NTM: variants seen among roughly 807,000 people sequenced by gnomAD.
NTM encodes the protein neurotrimin.
Under a neutral mutation model 42.1 loss-of-function variants are expected in NTM, and 13 were observed. The observed-to-expected ratio is 0.31, with a 90% confidence interval of 0.20 to 0.49. The LOEUF (loss-of-function observed/expected upper bound fraction) is 0.49, where lower values mean the gene tolerates loss of function less well. NTM is among the 20% of genes least tolerant of loss of function. NTM has a pLI of 0.99. For missense variants in NTM, 373 were observed against 452.8 expected, an observed-to-expected ratio of 0.82 and a Z score of 1.60; for synonymous variants, 187 against 179.2, an observed-to-expected ratio of 1.04 and a Z score of -0.35.
chr11:131,774,596 A>G (rs2086664718), intron 1 of NTM, among the ~76,000 whole-genome samples: 1 of 152,186 alleles, frequency 6.6e-6, no homozygotes, highest in Admixed American at 6.5e-5. Flanking sequence ...TTGGCTCCAA[A>G]TATAATTTTT....
At chr11:131,870,547 G>T (rs2047674536) in intron 1 of NTM, among the ~76,000 whole-genome samples, 2 of 152,086 alleles carry the variant, frequency 1.3e-5, no homozygotes, top group Admixed American at 1.3e-4. Flanking sequence ...GAGCCAGCGA[G>T]GGCCCTCCTC....
At chr11:132,166,317 A>G (rs866507826) in intron 3 of NTM, among the ~76,000 whole-genome samples, 9 of 152,296 alleles carry the variant, frequency 5.9e-5, no homozygotes, top group Admixed American at 3.3e-4. Context: ...TCTATTAGTG[A>G]GACCTCATTA....
At chr11:131,689,395 C>G (rs2074369879) in intron 1 of NTM, among the ~76,000 whole-genome samples, 1 of 152,228 alleles carries the variant, frequency 6.6e-6, no homozygotes, top group Non-Finnish European at 1.5e-5. Flanking sequence ...AGGGTCAGAG[C>G]CAGGGCAGAG....
intron 1 of NTM, among the ~76,000 whole-genome samples, chr11:131,730,221 C>A (rs2079472995): frequency 6.6e-6 from 1 of 152,084 alleles, no homozygotes; most frequent in African/African-American, 2.4e-5. Flanking sequence ...GCTTACCAGC[C>A]ATTTGCATAT....
chr11:131,646,131 GT>G (rs2065745826), intron 1 of NTM, among the ~76,000 whole-genome samples: 1 of 152,154 alleles, frequency 6.6e-6, no homozygotes, highest in Non-Finnish European at 1.5e-5. Flanking sequence ...CTAAGACGGG[GT>G]CAGCAAACTG....
chr11:131,615,552 G>C (rs1335413257), intron 1 of NTM, among the ~76,000 whole-genome samples: 2 of 152,022 alleles, frequency 1.3e-5, no homozygotes, highest in Admixed American at 1.3e-4. Context: ...AATTTTATTG[G>C]AGAGATGGGA....
At chr11:131,763,776 G>A (rs551453784) in intron 1 of NTM, among the ~76,000 whole-genome samples, 35 of 127,452 alleles carry the variant, frequency 2.7e-4, no homozygotes, top group East Asian at 7.1e-4. Context: ...CATTCTGTAC[G>A]CTGCTTTATA....
chr11:132,074,284 G>T (rs2058076651), intron 2 of NTM, among the ~76,000 whole-genome samples: 1 of 152,188 alleles, frequency 6.6e-6, no homozygotes, highest in Non-Finnish European at 1.5e-5. Flanking sequence ...GGCTGAGTCA[G>T]TTTCTCAGGG....
At chr11:131,596,412 T>G (rs1276185272) in intron 1 of NTM, among the ~76,000 whole-genome samples, 1 of 152,236 alleles carries the variant, frequency 6.6e-6, no homozygotes, top group Non-Finnish European at 1.5e-5. Flanking sequence ...GGTAAACAAA[T>G]GGCAGTGGCT....
intron 3 of NTM, among the ~76,000 whole-genome samples, chr11:132,175,840 A>G (rs143811650): frequency 9.3e-4 from 141 of 152,196 alleles, no homozygotes; most frequent in Non-Finnish European, 1.4e-3. Flanking sequence ...ACCTCATTCT[A>G]TCTCAGGAAA....
At chr11:132,085,143 C>G (rs2059544313) in intron 2 of NTM, among the ~76,000 whole-genome samples, 1 of 152,164 alleles carries the variant, frequency 6.6e-6, no homozygotes, top group African/African-American at 2.4e-5. Flanking sequence ...TAATTTAAAG[C>G]AATATTTTAT....
intron 2 of NTM, among the ~76,000 whole-genome samples, chr11:132,023,831 G>A (rs1208891183): frequency 6.7e-6 from 1 of 150,098 alleles, no homozygotes; most frequent in African/African-American, 2.4e-5. Flanking sequence ...TGTTGTTGTT[G>A]TTGTTGAGAT....
intron 1 of NTM, among the ~76,000 whole-genome samples, chr11:131,735,018 G>A (rs1454247184): frequency 2.6e-5 from 4 of 152,184 alleles, no homozygotes. Flanking sequence ...AATCCTTCCT[G>A]AGAACTTGAA....
At chr11:131,742,716 T>C (rs967821318) in intron 1 of NTM, among the ~76,000 whole-genome samples, 2 of 152,206 alleles carry the variant, frequency 1.3e-5, no homozygotes, top group Admixed American at 1.3e-4. Flanking sequence ...AAAAATTTTC[T>C]TATTAAATAA....
At chr11:131,371,001 G>C in intron 1 of NTM, 113 bp downstream of exon 1, 2 of 1,539,840 alleles carry the variant, frequency 1.3e-6, no homozygotes, top group Admixed American at 4.2e-5. Flanking sequence ...AGGTGGAGGA[G>C]AGAGCGTTTA....
intron 1 of NTM, among the ~76,000 whole-genome samples, chr11:131,388,257 T>C (rs1382941124): frequency 2.0e-5 from 3 of 151,988 alleles, no homozygotes; most frequent in Admixed American, 6.6e-5. Context: ...GCCGTATAAA[T>C]ATGTACATTC....
chr11:131,371,800 T>C (rs747368735), intron 1 of NTM, among the ~76,000 whole-genome samples: 1 of 152,188 alleles, frequency 6.6e-6, no homozygotes, highest in Non-Finnish European at 1.5e-5. Context: ...TCCTTTGGGG[T>C]AACTAGTTTG....
chr11:131,590,770 C>A (rs1479955664), intron 1 of NTM, among the ~76,000 whole-genome samples: 1 of 152,180 alleles, frequency 6.6e-6, no homozygotes, highest in East Asian at 1.9e-4. Flanking sequence ...CCTAAGAGAA[C>A]TTATGGGACT....
chr11:132,252,482 A>G (rs2092051095), intron 4 of NTM, among the ~76,000 whole-genome samples: 1 of 152,314 alleles, frequency 6.6e-6, no homozygotes, highest in Non-Finnish European at 1.5e-5. Flanking sequence ...TCTGTGGGGC[A>G]TATGGCAGCA....
Sources: gnomAD v4.1 joint callset for allele counts (sites outside exome capture counted in the v4.1 genomes callset) on GRCh38, gnomAD v4.1.1 for gene constraint, MANE v1.5 for transcripts, NCBI Gene and HGNC (gene_info 2026-07-23, HGNC 2026-07-21) for gene names.